PARG: variants seen among roughly 807,000 people sequenced by gnomAD.
PARG encodes poly(ADP-ribose) glycohydrolase, also known as mitochondrial poly(ADP-ribose) glycohydrolase.
PARG carries 35 observed loss-of-function variants against 113.0 expected under a neutral mutation model. That is an observed-to-expected ratio of 0.31 (90% confidence interval 0.24 to 0.41). The LOEUF (loss-of-function observed/expected upper bound fraction) is 0.41. Among genes scored for constraint, PARG ranks in the 10% least tolerant of loss-of-function variants. The pLI, the probability that PARG is intolerant of heterozygous loss-of-function variation, is 1.00. For synonymous variants in PARG, 330 were observed against 409.9 expected (o/e 0.81, Z 2.36); for missense variants, 797 against 1,169.4 (o/e 0.68, Z 4.64).
chr10:49,894,200 A>AT (rs1847959390), intron 7 of PARG, among the ~76,000 whole-genome samples: 1 of 145,628 alleles, frequency 6.9e-6, no homozygotes, highest in African/African-American at 2.5e-5. Context: ...TGCCCAGCTA[A>AT]TTAATTTTTT....
At chr10:49,828,092 C>CAAAAAAAAAAAAAAAAAA (rs71026274) in intron 16 of PARG, among the ~76,000 whole-genome samples, 3 of 50,368 alleles carry the variant, frequency 6.0e-5, no homozygotes, top group Admixed American at 3.3e-4. Context: ...AAAGCTTAAA[C>CAAAAAAAAAAAAAAAAAA]AAAAAAAAAA....
At chr10:49,832,680 A>C in intron 16 of PARG, 123 bp downstream of exon 16, 1 of 570,608 alleles carries the variant, frequency 1.8e-6, no homozygotes. Context: ...ATAGTGTTAA[A>C]TATTCCTTTT....
At chr10:49,821,619 A>AAC (rs1554828671) in intron 16 of PARG, among the ~76,000 whole-genome samples, 38 of 152,292 alleles carry the variant, frequency 2.5e-4, no homozygotes, top group African/African-American at 8.9e-4. Context: ...ACCTCAAGTG[A>AAC]TCTGCCCGTC....
intron 7 of PARG, among the ~76,000 whole-genome samples, chr10:49,889,173 C>A (rs1554841007): frequency 6.6e-6 from 1 of 150,788 alleles, no homozygotes; most frequent in East Asian, 1.9e-4. Flanking sequence ...AGACAATTCA[C>A]ATCTGTATTC....
chr10:49,939,576 C>T (rs1300835754), intron 1 of PARG, among the ~76,000 whole-genome samples: 1 of 152,322 alleles, frequency 6.6e-6, no homozygotes, highest in Non-Finnish European at 1.5e-5. Flanking sequence ...GGTATTCCCA[C>T]GCTTAAAAGC....
chr10:49,850,498 C>A (rs781877452), intron 13 of PARG, among the ~76,000 whole-genome samples: 1 of 152,140 alleles, frequency 6.6e-6, no homozygotes, highest in Non-Finnish European at 1.5e-5. Context: ...ACCACAGATG[C>A]GTGATTCTAT....
chr10:49,917,872 T>G (rs567977406), intron 6 of PARG, among the ~76,000 whole-genome samples: 13 of 152,194 alleles, frequency 8.5e-5, no homozygotes, highest in Non-Finnish European at 1.8e-4. Context: ...AGGATTTTTT[T>G]TTCCAATCAC....
At chr10:49,845,483 A>G (rs2132465231) in intron 13 of PARG, among the ~76,000 whole-genome samples, 1 of 152,350 alleles carries the variant, frequency 6.6e-6, no homozygotes, top group East Asian at 1.9e-4. Flanking sequence ...ACTCTCAGGC[A>G]TGGGTGAAGT....
chr10:49,895,216 T>C (rs1379280407), intron 7 of PARG, among the ~76,000 whole-genome samples: 3 of 152,176 alleles, frequency 2.0e-5, no homozygotes, highest in Admixed American at 1.3e-4. Flanking sequence ...TACTGTCTTG[T>C]TTACTGTAGT....
chr10:49,927,378 GA>G (rs1564664875), intron 4 of PARG, among the ~76,000 whole-genome samples: 31 of 42,736 alleles, frequency 7.3e-4, no homozygotes, highest in African/African-American at 1.4e-3. Flanking sequence ...AGGAAAGAAA[GA>G]AAGAAAGAAA....
chr10:49,883,301 C>A (rs1365834761), intron 8 of PARG, among the ~76,000 whole-genome samples: 1 of 151,644 alleles, frequency 6.6e-6, no homozygotes, highest in African/African-American at 2.4e-5. Context: ...ATTGTTCCAC[C>A]CAAATGTCCA....
intron 7 of PARG, among the ~76,000 whole-genome samples, chr10:49,893,564 T>C (rs555756809): frequency 6.6e-6 from 1 of 152,370 alleles, no homozygotes; most frequent in African/African-American, 2.4e-5. Flanking sequence ...TCGCCAAAGC[T>C]GGAGTGTCGT....
intron 15 of PARG, among the ~76,000 whole-genome samples, chr10:49,836,230 A>G (rs546883080): frequency 6.7e-6 from 1 of 148,426 alleles, no homozygotes; most frequent in East Asian, 2.0e-4. Flanking sequence ...TCAATCTACT[A>G]TACTTCTTTA....
chr10:49,848,594 TTTATG>T (rs1420024996), intron 13 of PARG, among the ~76,000 whole-genome samples: 23 of 147,518 alleles, frequency 1.6e-4, no homozygotes, highest in African/African-American at 5.5e-4. Flanking sequence ...AACTAGAAGA[TTTATG>T]TTATTTCTTT....
chr10:49,823,649 G>T (rs913784041), intron 16 of PARG, among the ~76,000 whole-genome samples: 16 of 151,774 alleles, frequency 1.1e-4, no homozygotes, highest in Non-Finnish European at 2.1e-4. Flanking sequence ...AAATGGGAAC[G>T]AATGAATCAT....
chr10:49,903,129 AAAAAATT>A (rs1440913214), intron 7 of PARG, among the ~76,000 whole-genome samples: 1 of 151,870 alleles, frequency 6.6e-6, no homozygotes, highest in African/African-American at 2.4e-5. Context: ...GCCCGGCCAA[AAAAAATT>A]TTACTTAGGT....
intron 10 of PARG, among the ~76,000 whole-genome samples, chr10:49,866,819 T>C (rs1370088756): frequency 2.6e-5 from 4 of 152,284 alleles, no homozygotes; most frequent in Admixed American, 6.5e-5. Flanking sequence ...ATATATACTA[T>C]ATACAGGTCA....
intron 8 of PARG, among the ~76,000 whole-genome samples, chr10:49,881,037 G>A (rs1847190027): frequency 6.6e-6 from 1 of 152,188 alleles, no homozygotes; most frequent in Admixed American, 6.5e-5. Context: ...TAAAAGCTCT[G>A]AAGCTACAAG....
intron 15 of PARG, among the ~76,000 whole-genome samples, chr10:49,835,605 T>C (rs782432624): frequency 7.9e-5 from 12 of 151,484 alleles, no homozygotes; most frequent in Non-Finnish European, 1.8e-4. Flanking sequence ...AACCAGGACA[T>C]GGTAATGATA....
Sources: allele counts gnomAD v4.1 joint callset (sites outside exome capture counted in the v4.1 genomes callset), GRCh38; gene constraint gnomAD v4.1.1; transcripts MANE v1.5; gene names NCBI Gene and HGNC (gene_info 2026-07-23, HGNC 2026-07-21).